The following TLN2 variants were observed in gnomAD, a reference collection of about 807,000 sequenced individuals.
The protein encoded by TLN2 is talin 2, also known as talin-2.
TLN2 carries 118 observed loss-of-function variants against 294.7 expected under a neutral mutation model. The observed-to-expected ratio is 0.40, with a 90% CI of 0.34 to 0.47. TLN2 has a LOEUF of 0.47. TLN2 is among the 20% of genes least tolerant of loss of function. The probability of loss-of-function intolerance (pLI) is 0.84; values close to 1 mark genes in which losing one functional copy is unlikely to be tolerated. For missense variants in TLN2, 3,083 were observed against 3,282.2 expected, an observed-to-expected ratio of 0.94 and a Z score of 1.48; for synonymous variants, 1,431 against 1,304.5, an observed-to-expected ratio of 1.10 and a Z score of -2.09.
chr15:62,432,901 A>G (rs974325481), intron 1 of TLN2, among the ~76,000 whole-genome samples: 12 of 152,084 alleles, frequency 7.9e-5, no homozygotes, highest in Non-Finnish European at 4.4e-5. Flanking sequence ...TCTGTGCCCT[A>G]TTTTCCTACG....
At chr15:62,553,793 A>G (rs1330992289) in intron 1 of TLN2, among the ~76,000 whole-genome samples, 1 of 152,208 alleles carries the variant, frequency 6.6e-6, no homozygotes. Flanking sequence ...TTTAGGTGGA[A>G]AAATGCTTCC....
chr15:62,575,840 G>A (rs575974209), intron 1 of TLN2, among the ~76,000 whole-genome samples: 3 of 152,336 alleles, frequency 2.0e-5, no homozygotes, highest in South Asian at 2.1e-4. Context: ...TTCTCCAGGT[G>A]TATGGAAAAT....
intron 1 of TLN2, among the ~76,000 whole-genome samples, chr15:62,430,049 A>C (rs2034932779): frequency 2.6e-5 from 4 of 152,242 alleles, no homozygotes; most frequent in Non-Finnish European, 5.9e-5. Flanking sequence ...AAACTAGTTT[A>C]TTCTAGTTCT....
intron 1 of TLN2, among the ~76,000 whole-genome samples, chr15:62,492,788 A>T (rs1252401794): frequency 6.6e-6 from 1 of 152,184 alleles, no homozygotes; most frequent in Non-Finnish European, 1.5e-5. Context: ...TTATGGTAGA[A>T]TTTGAGTAAT....
intron 45 of TLN2, among the ~76,000 whole-genome samples, chr15:62,786,473 C>T (rs374003029): frequency 6.6e-6 from 1 of 152,152 alleles, no homozygotes; most frequent in Admixed American, 6.5e-5. Flanking sequence ...AGTTAAAAGC[C>T]TCCAGCAGCT....
At chr15:62,391,416 T>C (rs1044898865) in intron 1 of TLN2, among the ~76,000 whole-genome samples, 1 of 152,198 alleles carries the variant, frequency 6.6e-6, no homozygotes, top group African/African-American at 2.4e-5. Context: ...CGGCTCCCTC[T>C]CCTTCCTCGG....
chr15:62,797,541 G>A (rs115303641), intron 48 of TLN2, 139 bp downstream of exon 48: 11 of 1,049,634 alleles, frequency 1.0e-5, no homozygotes, highest in South Asian at 1.7e-5. Flanking sequence ...TTGAGGAACC[G>A]GTAGGAGGCA....
intron 9 of TLN2, among the ~76,000 whole-genome samples, chr15:62,659,578 C>A (rs950576546): frequency 6.6e-6 from 1 of 152,224 alleles, no homozygotes; most frequent in Non-Finnish European, 1.5e-5. Flanking sequence ...CACACTCACA[C>A]TCCAGCAACA....
chr15:62,443,551 A>G (rs2035660232), intron 1 of TLN2, among the ~76,000 whole-genome samples: 1 of 152,224 alleles, frequency 6.6e-6, no homozygotes, highest in Non-Finnish European at 1.5e-5. Context: ...AGGAGGCCCA[A>G]TCAACGTCTA....
chr15:62,601,166 G>T (rs2046970793), intron 2 of TLN2, among the ~76,000 whole-genome samples: 1 of 152,176 alleles, frequency 6.6e-6, no homozygotes, highest in Admixed American at 6.5e-5. Context: ...CCAGTCTTGG[G>T]ATGTTTAGCA....
intron 26 of TLN2, among the ~76,000 whole-genome samples, chr15:62,722,732 C>T (rs2060220772): frequency 6.6e-6 from 1 of 152,158 alleles, no homozygotes; most frequent in Admixed American, 6.5e-5. Context: ...TGTACTTCCT[C>T]CTCCTCCTCC....
chr15:62,550,005 G>C (rs956005796), intron 1 of TLN2, among the ~76,000 whole-genome samples: 3 of 152,138 alleles, frequency 2.0e-5, no homozygotes, highest in African/African-American at 4.8e-5. Flanking sequence ...TGGTTCTGAT[G>C]ATGGTGATCC....
At chr15:62,680,380 T>C (rs557395076) in intron 11 of TLN2, among the ~76,000 whole-genome samples, 4 of 152,302 alleles carry the variant, frequency 2.6e-5, no homozygotes, top group African/African-American at 9.6e-5. Flanking sequence ...GTTTTAACAA[T>C]ATGTACACAA....
chr15:62,813,473 C>A (rs748544374), intron 52 of TLN2, among the ~76,000 whole-genome samples: 49 of 152,066 alleles, frequency 3.2e-4, no homozygotes, highest in Non-Finnish European at 5.7e-4. Flanking sequence ...AAACAGAATC[C>A]ATCTCATCTT....
chr15:62,600,508 ACT>A (rs1467705830), intron 2 of TLN2, among the ~76,000 whole-genome samples: 3 of 151,884 alleles, frequency 2.0e-5, no homozygotes, highest in Non-Finnish European at 2.9e-5. Flanking sequence ...CAATGGACTC[ACT>A]CTCAGCATCA....
intron 23 of TLN2, 114 bp from the exon 24 acceptor site, chr15:62,717,462 T>C (rs2059852598): frequency 1.7e-6 from 1 of 582,922 alleles, no homozygotes; most frequent in Non-Finnish European, 2.7e-6. Flanking sequence ...AAGCCTGCTC[T>C]TTGGAGTTCT....
intron 1 of TLN2, among the ~76,000 whole-genome samples, chr15:62,569,082 G>C (rs147060848): frequency 6.6e-6 from 1 of 152,158 alleles, no homozygotes. Flanking sequence ...TCTTGTGTCT[G>C]TGTCACGCCG....
At position 62,691,495 on chromosome 15, in the gene TLN2, T is replaced by A. The variant is rs181785219; in HGVS notation, c.1114-1345T>A. 1.7e-4 allele frequency among the ~76,000 whole-genome samples: 26 copies of A among 152,346 alleles called. 1 individual carries two copies. The South Asian group carries it at 1.9e-3, about 11-fold the overall frequency. ...GAACTTTTTATTCTTTAAAATTTGC[T>A]GCAAGAGAATTTGCAATTTATTGGT... On this transcript the variant is annotated intron_variant, in intron 12 of 58. Transcript: ENST00000636159.
chr15:62,830,171 C>T (rs902317271), intron 54 of TLN2: 10 of 152,126 alleles, frequency 6.6e-5, no homozygotes, highest in African/African-American at 1.2e-4. Context: ...CACCCAGAAG[C>T]GAGGATTCCG....
Sources: allele counts gnomAD v4.1 joint callset (sites outside exome capture counted in the v4.1 genomes callset), GRCh38; gene constraint gnomAD v4.1.1; transcripts MANE v1.5; gene names NCBI Gene and HGNC (gene_info 2026-07-23, HGNC 2026-07-21).